CNTNAP2: variants seen among roughly 807,000 people sequenced by gnomAD.
CNTNAP2 encodes the protein contactin-associated protein-like 2.
In CNTNAP2, 98 loss-of-function variants were observed where a neutral mutation model predicts 155.2. That is an observed-to-expected ratio of 0.63 (90% CI 0.54 to 0.75). The LOEUF is 0.75. Among genes scored for constraint, CNTNAP2 ranks in the 30% least tolerant of loss-of-function variants. CNTNAP2 has a pLI of 0.00. For missense variants in CNTNAP2, 1,727 were observed against 1,688.1 expected (o/e 1.02, Z -0.40); for synonymous variants, 651 against 631.2 (o/e 1.03, Z -0.47).
At chr7:147,997,239 G>C (rs1230829557) in intron 15 of CNTNAP2, among the ~76,000 whole-genome samples, 1 of 152,148 alleles carries the variant, frequency 6.6e-6, no homozygotes, top group East Asian at 1.9e-4. Flanking sequence ...CGATGCCTCC[G>C]TTCTTGTCTT....
intron 1 of CNTNAP2, among the ~76,000 whole-genome samples, chr7:146,403,329 G>A (rs977845160): frequency 6.6e-6 from 1 of 152,032 alleles, no homozygotes; most frequent in Non-Finnish European, 1.5e-5. Flanking sequence ...GACTAACAAA[G>A]TTTGGGTCAT....
chr7:147,638,899 A>G (rs2116923422), intron 12 of CNTNAP2: 1 of 677,812 alleles, frequency 1.5e-6, no homozygotes, highest in Non-Finnish European at 2.7e-6. Flanking sequence ...TTTGTTTTCA[A>G]TAAAAATATT....
intron 1 of CNTNAP2, among the ~76,000 whole-genome samples, chr7:146,576,493 G>A (rs1480228163): frequency 6.6e-6 from 1 of 152,138 alleles, no homozygotes; most frequent in Non-Finnish European, 1.5e-5. Flanking sequence ...GAGCCTCAAG[G>A]CAGGTCAGAG....
rs144601829 is a variant in CNTNAP2, at chr7:148,230,914, C to T, written c.3381+1135C>T. ...TGGAGTAAACCAAGCCCATCTTTAACCAAGTTTTAGTCAGAAAAGCCAGCA... is the reference window on the plus strand; with the variant it reads ...TGGAGTAAACCAAGCCCATCTTTAATCAAGTTTTAGTCAGAAAAGCCAGCA... On this transcript the variant is annotated intron_variant, in intron 20 of 23. Coordinates refer to ENST00000361727, the MANE Select transcript of CNTNAP2 (RefSeq NM_014141.6). 3.6e-4 allele frequency among the ~76,000 whole-genome samples: 55 copies of T among 152,258 alleles called. No homozygotes were observed. The East Asian group carries it at 0.01, about 28-fold the overall frequency.
chr7:147,477,615 T>TA (rs1466874945), intron 10 of CNTNAP2, among the ~76,000 whole-genome samples: 1 of 152,200 alleles, frequency 6.6e-6, no homozygotes, highest in Admixed American at 6.5e-5. Flanking sequence ...CCATGCCTAG[T>TA]AAAAAATGTT....
intron 3 of CNTNAP2, among the ~76,000 whole-genome samples, chr7:146,913,062 T>A (rs1796319577): frequency 6.6e-6 from 1 of 152,168 alleles, no homozygotes; most frequent in South Asian, 2.1e-4. Context: ...AAGACAAGTT[T>A]AAGTAATGTC....
In CNTNAP2 at chr7:146,233,622, C is replaced by A. The variant is rs139634135; in HGVS notation, c.97+116649C>A. 2.4e-3 allele frequency among the ~76,000 whole-genome samples: 368 copies of A among 152,266 alleles called. 4 individuals are homozygous for A. Among genetic ancestry groups the A allele is most frequent in the African/African-American group, 8.5e-3 (352 of 41,552 alleles). ...TAAAGCTATCCCTCCCCCTTCCCCC[C>A]ACACCACAACAGTCCCCAGAGTGTG... On this transcript the variant is annotated intron_variant, in intron 1 of 23. Transcript: ENST00000361727.
chr7:148,083,003 G>T (rs1175814890), intron 15 of CNTNAP2, among the ~76,000 whole-genome samples: 1 of 152,054 alleles, frequency 6.6e-6, no homozygotes, highest in East Asian at 1.9e-4. Flanking sequence ...CTTGGTGGTT[G>T]TAGAGAATGC....
At chr7:146,602,702 A>G (rs929283275) in intron 1 of CNTNAP2, among the ~76,000 whole-genome samples, 9 of 152,202 alleles carry the variant, frequency 5.9e-5, no homozygotes, top group Non-Finnish European at 1.3e-4. Context: ...TCAGAGGGTA[A>G]AAAATATTAT....
chr7:147,169,421 C>A (rs79256035), intron 8 of CNTNAP2, among the ~76,000 whole-genome samples: 1 of 152,082 alleles, frequency 6.6e-6, no homozygotes, highest in East Asian at 1.9e-4. Flanking sequence ...TTTCAATCAA[C>A]GCCCTCCCTC....
intron 21 of CNTNAP2, among the ~76,000 whole-genome samples, chr7:148,282,561 C>G (rs1796992790): frequency 6.6e-6 from 1 of 152,158 alleles, no homozygotes; most frequent in African/African-American, 2.4e-5. Flanking sequence ...TAGGCAGTAT[C>G]ATTACATCTA....
intron 2 of CNTNAP2, among the ~76,000 whole-genome samples, chr7:146,825,596 C>T (rs886076907): frequency 6.6e-6 from 1 of 152,072 alleles, no homozygotes; most frequent in African/African-American, 2.4e-5. Context: ...GTCTTTATAA[C>T]CTATGTTTTC....
intron 16 of CNTNAP2, among the ~76,000 whole-genome samples, chr7:148,138,954 G>A (rs1273247671): frequency 1.3e-5 from 2 of 152,114 alleles, no homozygotes; most frequent in Non-Finnish European, 2.9e-5. Context: ...AAAATTAGAA[G>A]AGCTTTGCAT....
intron 13 of CNTNAP2, among the ~76,000 whole-genome samples, chr7:147,693,405 T>G (rs939092024): frequency 6.6e-6 from 1 of 152,092 alleles, no homozygotes; most frequent in Non-Finnish European, 1.5e-5. Context: ...TAATTGGGAT[T>G]GCACTGAATC....
At chr7:148,059,336 A>C (rs1008826486) in intron 15 of CNTNAP2, among the ~76,000 whole-genome samples, 1 of 152,074 alleles carries the variant, frequency 6.6e-6, no homozygotes, top group African/African-American at 2.4e-5. Flanking sequence ...CACACCTATA[A>C]TCCCAGCACT....
intron 1 of CNTNAP2, among the ~76,000 whole-genome samples, chr7:146,334,356 G>A (rs1231208786): frequency 1.3e-5 from 2 of 151,506 alleles, no homozygotes; most frequent in East Asian, 3.9e-4. Flanking sequence ...GCGTGAACCC[G>A]GCAGGTGGAG....
At chr7:147,633,655 G>C (rs1342306840) in intron 12 of CNTNAP2, among the ~76,000 whole-genome samples, 4 of 151,884 alleles carry the variant, frequency 2.6e-5, no homozygotes, top group Non-Finnish European at 2.9e-5. Context: ...CATGGAGGCA[G>C]TTTCCCCACA....
chr7:148,122,757 G>A lies in CNTNAP2; in HGVS notation c.2554+4469G>A, dbSNP rs76895081. Among the ~76,000 whole-genome samples the A allele has an allele frequency of 8.3e-3, 1,263 of 152,118 alleles. 19 individuals are homozygous for A. Among genetic ancestry groups the A allele is most frequent in the African/African-American group, 0.029 (1,213 of 41,480 alleles). On this transcript the variant is annotated intron_variant, in intron 16 of 23. Coordinates refer to ENST00000361727, the MANE Select transcript of CNTNAP2 (RefSeq NM_014141.6). The stretch of plus-strand genomic sequence containing the variant: ...GAATGCATAGAAAGAGAGGAAGACA[G>A]TGATGAAGCATTGTAGATATGAAAG...
At chr7:148,299,813 C>T (rs1797352012) in intron 21 of CNTNAP2, among the ~76,000 whole-genome samples, 1 of 152,186 alleles carries the variant, frequency 6.6e-6, no homozygotes, top group South Asian at 2.1e-4. Flanking sequence ...CCTGATAATA[C>T]AGAAATCACT....
Sources: gnomAD v4.1 joint callset for allele counts (sites outside exome capture counted in the v4.1 genomes callset) on GRCh38, gnomAD v4.1.1 for gene constraint, MANE v1.5 for transcripts, NCBI Gene and HGNC (gene_info 2026-07-23, HGNC 2026-07-21) for gene names.